ADAMTS12: variants seen among roughly 807,000 people sequenced by gnomAD.
ADAMTS12 encodes the protein ADAM metallopeptidase with thrombospondin type 1 motif 12.
Under a neutral mutation model 167.8 loss-of-function variants are expected in ADAMTS12, and 118 were observed. The observed-to-expected ratio is 0.70, with a 90% CI of 0.61 to 0.82. ADAMTS12 has a LOEUF of 0.82. Ranked by LOEUF, ADAMTS12 falls within the 40% of genes least tolerant of loss-of-function variation. ADAMTS12 has a pLI of 0.00. For synonymous variants in ADAMTS12, 704 were observed against 716.9 expected (o/e 0.98, Z 0.29); for missense variants, 1,916 against 1,998.8 (o/e 0.96, Z 0.79).
chr5:33,857,653 C>T (rs1473872100), intron 2 of ADAMTS12, among the ~76,000 whole-genome samples: 1 of 147,680 alleles, frequency 6.8e-6, no homozygotes, highest in Non-Finnish European at 1.5e-5. Context: ...ACTGAAACCT[C>T]TCTTATGTTC....
At chr5:33,642,009 C>G in intron 10 of ADAMTS12, 54 bp from the exon 11 acceptor site, 2 of 1,536,186 alleles carry the variant, frequency 1.3e-6, no homozygotes, top group South Asian at 2.5e-5. Flanking sequence ...CCAGAGCAAG[C>G]TGAGCCAAGA....
chr5:33,612,261 T>C (rs1040916315), intron 16 of ADAMTS12, among the ~76,000 whole-genome samples: 4 of 152,254 alleles, frequency 2.6e-5, no homozygotes, highest in African/African-American at 9.6e-5. Context: ...GAGTGACATT[T>C]ACCTAGGTAG....
intron 19 of ADAMTS12, among the ~76,000 whole-genome samples, chr5:33,570,356 G>T (rs190099756): frequency 2.4e-4 from 37 of 152,264 alleles, no homozygotes; most frequent in African/African-American, 7.9e-4. Flanking sequence ...GAAAGGTCGG[G>T]TTACCCACAA....
At chr5:33,791,595 T>C (rs1579939430) in intron 2 of ADAMTS12, among the ~76,000 whole-genome samples, 1 of 152,114 alleles carries the variant, frequency 6.6e-6, no homozygotes, top group Non-Finnish European at 1.5e-5. Context: ...ACCTATATAA[T>C]AGGCAGCTAA....
intron 20 of ADAMTS12, among the ~76,000 whole-genome samples, chr5:33,556,541 A>G (rs1001598136): frequency 1.1e-4 from 17 of 152,226 alleles, no homozygotes; most frequent in African/African-American, 4.1e-4. Flanking sequence ...TGTGTGACTC[A>G]GCAAGTTTAG....
chr5:33,823,618 C>G (rs1381555489), intron 2 of ADAMTS12, among the ~76,000 whole-genome samples: 1 of 149,470 alleles, frequency 6.7e-6, no homozygotes, highest in Non-Finnish European at 1.5e-5. Flanking sequence ...TCTGGCCCAG[C>G]TGGCATAAAA....
chr5:33,575,698 T>C (rs1746662199), intron 19 of ADAMTS12, among the ~76,000 whole-genome samples: 1 of 152,160 alleles, frequency 6.6e-6, no homozygotes, highest in South Asian at 2.1e-4. Context: ...TTCTTAAGGA[T>C]GGGGACTGCA....
chr5:33,527,874 C>T (rs1269853903), intron 23 of ADAMTS12, among the ~76,000 whole-genome samples: 2 of 152,144 alleles, frequency 1.3e-5, no homozygotes, highest in Non-Finnish European at 2.9e-5. Flanking sequence ...TCAACCAAAG[C>T]CAAGCTCAAT....
intron 23 of ADAMTS12, among the ~76,000 whole-genome samples, chr5:33,531,313 T>G (rs1171341476): frequency 1.3e-5 from 2 of 152,218 alleles, no homozygotes; most frequent in African/African-American, 4.8e-5. Flanking sequence ...TATGGCAGCA[T>G]GAATATGTGT....
At chr5:33,636,485 A>C (rs1232820282) in intron 12 of ADAMTS12, among the ~76,000 whole-genome samples, 2 of 152,172 alleles carry the variant, frequency 1.3e-5, no homozygotes, top group African/African-American at 4.8e-5. Context: ...AAATGACACC[A>C]AACGATTGGG....
intron 1 of ADAMTS12, chr5:33,888,113 T>A (rs1750702879): frequency 6.6e-6 from 1 of 152,248 alleles, no homozygotes. Flanking sequence ...GCCACGCTAA[T>A]CTTCTCTGTA....
chr5:33,635,902 C>T (rs72739440), intron 12 of ADAMTS12, among the ~76,000 whole-genome samples: 17,416 of 152,090 alleles, frequency 0.11, 1,093 homozygotes, highest in South Asian at 0.28. Flanking sequence ...AAAGAAACTA[C>T]CGGGATAGAG....
At chr5:33,796,303 G>A (rs1308096173) in intron 2 of ADAMTS12, among the ~76,000 whole-genome samples, 1 of 152,212 alleles carries the variant, frequency 6.6e-6, no homozygotes, top group Non-Finnish European at 1.5e-5. Flanking sequence ...GCAAACTTTA[G>A]AACAAATGCA....
chr5:33,689,678 A>C (rs1742480808), intron 3 of ADAMTS12, among the ~76,000 whole-genome samples: 1 of 152,322 alleles, frequency 6.6e-6, no homozygotes, highest in Middle Eastern at 3.4e-3. Context: ...AAAGCATCTT[A>C]AGACTAATAG....
chr5:33,579,572 A>G (rs1310113806), intron 18 of ADAMTS12, among the ~76,000 whole-genome samples: 4 of 152,244 alleles, frequency 2.6e-5, no homozygotes, highest in Non-Finnish European at 5.9e-5. Context: ...GCCAAAGTAT[A>G]GGATCATATC....
At chr5:33,676,060 T>C (rs1165972101) in intron 5 of ADAMTS12, among the ~76,000 whole-genome samples, 3 of 152,182 alleles carry the variant, frequency 2.0e-5, no homozygotes, top group Non-Finnish European at 4.4e-5. Flanking sequence ...TCTTTTTGTT[T>C]ATTTTTTTTC....
intron 5 of ADAMTS12, among the ~76,000 whole-genome samples, chr5:33,666,389 G>A (rs755901477): frequency 1.3e-5 from 2 of 152,356 alleles, no homozygotes; most frequent in Non-Finnish European, 1.5e-5. Context: ...TCCACAGGAT[G>A]GGGGAGAGGC....
At chr5:33,889,402 G>T (rs1237289657) in intron 1 of ADAMTS12, among the ~76,000 whole-genome samples, 1 of 152,180 alleles carries the variant, frequency 6.6e-6, no homozygotes, top group Non-Finnish European at 1.5e-5. Context: ...AGTGGAAATG[G>T]AAGTCTAAGG....
chr5:33,661,962 T>C lies in ADAMTS12; in HGVS notation c.994A>G (p.Ser332Gly). The C allele has an allele frequency of 1.2e-6, 2 of 1,613,482 alleles. No homozygotes were observed. The highest frequency in any genetic ancestry group is 2.2e-5 in the South Asian group (2 of 91,068). Residue 332 changes from serine to glycine, a missense_variant, in exon 6 of 24, where the codon AGT becomes GGT. Physicochemically the swap from Ser to Gly is moderately conservative, Grantham distance 56. Transcript: ENST00000504830. ...CKWQKSINPKSDLNPVHHDVA... is the reference protein window; with the variant it reads ...CKWQKSINPKGDLNPVHHDVA... ...TCGTGATGAACAGGATTGAGGTCAC[T>C]CTTGGGATTGATACTCTTCTGCCAC...
Sources: allele counts gnomAD v4.1 joint callset (sites outside exome capture counted in the v4.1 genomes callset), GRCh38; gene constraint gnomAD v4.1.1; transcripts MANE v1.5; gene names NCBI Gene and HGNC (gene_info 2026-07-23, HGNC 2026-07-21).